The following TRIP12 variants were observed in gnomAD, a reference collection of about 807,000 sequenced individuals.
TRIP12 encodes thyroid hormone receptor interactor 12.
In TRIP12, 25 loss-of-function variants were observed where a neutral mutation model predicts 244.2. The observed-to-expected ratio is 0.10, with a 90% CI of 0.07 to 0.14. TRIP12 has a LOEUF of 0.14. Ranked by LOEUF, TRIP12 falls within the 10% of genes least tolerant of loss-of-function variation. TRIP12 has a pLI of 1.00. For missense variants in TRIP12, 1,677 were observed against 2,486.4 expected (o/e 0.67, Z 6.92); for synonymous variants, 905 against 873.1 (o/e 1.04, Z -0.64).
rs1216925992 is a variant in TRIP12, at chr2:229,778,146, G to T, written c.5364+287C>A. Among the ~76,000 whole-genome samples the T allele has an allele frequency of 6.6e-6, 1 of 152,126 alleles. No individual in the cohort carries two copies. Among genetic ancestry groups the T allele is most frequent in the Non-Finnish European group, 1.5e-5 (1 of 68,028 alleles). The stretch of plus-strand genomic sequence containing the variant: ...TAAATAATTAATACCACCTTAACTT[G>T]CCTGATTATCTGAACCCTTGCTATC... On this transcript the variant is annotated intron_variant, in intron 36 of 41. Coordinates refer to ENST00000675903, the MANE Select transcript of TRIP12 (RefSeq NM_001348323.3). The surrounding 1 kb of genome is among the most constrained non-coding windows in gnomAD (Gnocchi z 4.1).
chr2:229,870,932 G>C (rs927825305), intron 2 of TRIP12, among the ~76,000 whole-genome samples: 3 of 152,030 alleles, frequency 2.0e-5, no homozygotes, highest in African/African-American at 4.8e-5. Flanking sequence ...CTAGCACTAC[G>C]GGAGGCTGAG....
rs1018823309 is a variant in TRIP12 at position 229,897,372 on chromosome 2, G to A, written c.-49-17244C>T. On this transcript the variant is annotated intron_variant, in intron 1 of 41. Transcript: ENST00000675903. The stretch of plus-strand genomic sequence containing the variant: ...AACTAAAAAATAAATAAGGGGCCAG[G>A]TGCAGTGGCTCACGCCTGTAATCCC... Among the ~76,000 whole-genome samples, 9 of 152,216 alleles carry A rather than the reference G, an allele frequency of 5.9e-5. No individual in the cohort carries two copies. In the East Asian group the frequency reaches 1.3e-3, roughly 23 times the overall value.
At chr2:229,906,703 C>T (rs1269520743) in intron 1 of TRIP12, among the ~76,000 whole-genome samples, 7 of 142,310 alleles carry the variant, frequency 4.9e-5, no homozygotes, top group Non-Finnish European at 7.5e-5. Flanking sequence ...CTGGGCAACA[C>T]GGTAAGACTC....
intron 29 of TRIP12, 141 bp from the exon 30 acceptor site, chr2:229,791,392 A>C: frequency 2.0e-6 from 2 of 1,015,878 alleles, no homozygotes; most frequent in Non-Finnish European, 2.8e-6. Context: ...GAATCTGGAG[A>C]ACTTCTTAGA....
At position 229,764,019 on chromosome 2, in the gene TRIP12, AAT is replaced by A. The variant is rs2031086915; in HGVS notation, c.*3533_*3534del. 6.6e-6 allele frequency: 1 copy of A among 152,246 alleles called. No homozygotes were observed. Among genetic ancestry groups the A allele is most frequent in the African/African-American group, 2.4e-5 (1 of 41,458 alleles). 9.4% of individuals were successfully genotyped at this position (152,246 alleles called of 1,614,324 possible). ...ATCAGCAATTGGTTATAGGTTTGGA[AAT>A]ATGAGTCGGCTTGTAGTAAAAATAA... On this transcript the variant is annotated 3_prime_UTR_variant, in exon 42 of 42. Transcript: ENST00000675903.
intron 32 of TRIP12, among the ~76,000 whole-genome samples, chr2:229,788,066 G>A (rs895916666): frequency 1.3e-5 from 2 of 152,188 alleles, no homozygotes; most frequent in African/African-American, 2.4e-5. Flanking sequence ...GCCTCCCAAA[G>A]TGCTGGGATT....
chr2:229,884,627 A>G (rs987028167), intron 1 of TRIP12, among the ~76,000 whole-genome samples: 7 of 152,152 alleles, frequency 4.6e-5, no homozygotes, highest in African/African-American at 1.4e-4. Context: ...TAAAAATTCA[A>G]TCCTTCCTCT....
At chr2:229,798,737 T>TAC in intron 23 of TRIP12, 138 bp downstream of exon 23, 1 of 964,206 alleles carries the variant, frequency 1.0e-6, no homozygotes, top group African/African-American at 1.7e-5. Context: ...ACTACCTAAT[T>TAC]CTTGAACTAT....
chr2:229,773,937 A>G, intron 38 of TRIP12, 160 bp downstream of exon 38: 2 of 645,742 alleles, frequency 3.1e-6, no homozygotes, highest in South Asian at 4.8e-5. Flanking sequence ...TGCACTCAAG[A>G]GCAAAGAGAA....
intron 3 of TRIP12, 53 bp downstream of exon 3, chr2:229,860,353 T>C: frequency 3.2e-6 from 5 of 1,568,144 alleles, no homozygotes; most frequent in Non-Finnish European, 4.3e-6. Flanking sequence ...TATGCAATGA[T>C]TTGAATGCAA....
intron 27 of TRIP12, among the ~76,000 whole-genome samples, 184 bp from the exon 28 acceptor site, chr2:229,792,410 T>C (rs540477435): frequency 6.6e-6 from 1 of 152,352 alleles, no homozygotes; most frequent in South Asian, 2.1e-4. Flanking sequence ...AATATTTGCA[T>C]GTACATAATG....
At chr2:229,791,370 T>A in intron 29 of TRIP12, 119 bp from the exon 30 acceptor site, 3 of 1,169,802 alleles carry the variant, frequency 2.6e-6, no homozygotes, top group Non-Finnish European at 3.6e-6. Flanking sequence ...TTCTCCTCTC[T>A]CTCCCTAGTG....
chr2:229,878,953 A>C (rs2064240822), intron 2 of TRIP12, among the ~76,000 whole-genome samples: 1 of 151,794 alleles, frequency 6.6e-6, no homozygotes, highest in African/African-American at 2.4e-5. Context: ...GTATGAGATA[A>C]TCCTATTAGA....
At position 229,778,595 on chromosome 2, in the gene TRIP12, A is replaced by G; in HGVS notation, c.5210-8T>C. On this transcript the variant is annotated splice_region_variant and splice_polypyrimidine_tract_variant and intron_variant, in intron 35 of 41. Coordinates refer to ENST00000675903, the MANE Select transcript of TRIP12 (RefSeq NM_001348323.3). The surrounding 1 kb of genome is among the most constrained non-coding windows in gnomAD (Gnocchi z 4.1). ...TGGTCCCTTCTTGGCTCCCTGAAAA[A>G]CAAGCAATGCAGCAAACTTCAGATG... The G allele has an allele frequency of 6.2e-7, 1 of 1,607,232 alleles. No homozygotes were observed. Among genetic ancestry groups the G allele is most frequent in the Non-Finnish European group, 8.5e-7 (1 of 1,176,592 alleles).
At chr2:229,899,573 A>G (rs528850411) in intron 1 of TRIP12, among the ~76,000 whole-genome samples, 168 of 152,322 alleles carry the variant, frequency 1.1e-3, no homozygotes, top group African/African-American at 3.8e-3. Context: ...GGAAGCTCAG[A>G]CCAACGGAAG....
At chr2:229,819,101 C>A (rs1172099846) in intron 8 of TRIP12, among the ~76,000 whole-genome samples, 1 of 149,966 alleles carries the variant, frequency 6.7e-6, no homozygotes. Flanking sequence ...TAAACCCTTG[C>A]ATCCTCTTTC....
intron 1 of TRIP12, among the ~76,000 whole-genome samples, chr2:229,906,977 A>C (rs540013381): frequency 6.6e-6 from 1 of 152,324 alleles, no homozygotes; most frequent in Admixed American, 6.5e-5. Context: ...CCTGAACCTA[A>C]ATCAAATTTA....
At chr2:229,815,396 G>T in intron 9 of TRIP12, 88 bp from the exon 10 acceptor site, 2 of 752,712 alleles carry the variant, frequency 2.7e-6, no homozygotes, top group South Asian at 1.9e-5. Context: ...AACTTCAACT[G>T]AAATGGAAGT....
chr2:229,905,532 A>G (rs1249936833), intron 1 of TRIP12, among the ~76,000 whole-genome samples: 9 of 152,186 alleles, frequency 5.9e-5, no homozygotes, highest in Non-Finnish European at 1.2e-4. Flanking sequence ...TTCAGACACA[A>G]AAGGTTTAAA....
Sources: gnomAD v4.1 joint callset for allele counts (sites outside exome capture counted in the v4.1 genomes callset) on GRCh38, gnomAD v4.1.1 for gene constraint, Gnocchi (gnomAD v3.1) non-coding constraint, MANE v1.5 for transcripts, NCBI Gene and HGNC (gene_info 2026-07-23, HGNC 2026-07-21) for gene names.